The following EDN1 variants were observed in gnomAD, a reference collection of about 807,000 sequenced individuals.
EDN1 encodes the protein endothelin 1, also known as endothelin-1.
In EDN1, 11 loss-of-function variants were observed where a neutral mutation model predicts 21.7. The ratio of observed to expected loss-of-function variants is 0.51; its 90% CI spans 0.32 to 0.84. The LOEUF is 0.84. Ranked by LOEUF, EDN1 falls within the 40% of genes least tolerant of loss-of-function variation. The pLI, the probability that EDN1 is intolerant of heterozygous loss-of-function variation, is 0.03. For missense variants in EDN1, 244 were observed against 262.3 expected, an observed-to-expected ratio of 0.93 and a Z score of 0.48; for synonymous variants, 85 against 90.6, an observed-to-expected ratio of 0.94 and a Z score of 0.35.
At chr6:12,286,951 C>T (rs574551280), upstream of EDN1, among the ~76,000 whole-genome samples, 7 of 151,996 alleles carry the variant, frequency 4.6e-5, no homozygotes, top group Middle Eastern at 3.4e-3. Flanking sequence ...CCTATCTCTA[C>T]GAAAAAATTT....
At chr6:12,294,496 T>G in intron 4 of EDN1, 92 bp downstream of exon 4, 1 of 1,485,724 alleles carries the variant, frequency 6.7e-7, no homozygotes, top group Non-Finnish European at 9.4e-7. Flanking sequence ...CCAGCCCTTC[T>G]TACCCGGGCA....
At chr6:12,282,479 C>G in the EDN1 span, among the ~76,000 whole-genome samples, 6 of 152,322 alleles carry the variant, frequency 3.9e-5, no homozygotes, top group South Asian at 2.1e-4. Flanking sequence ...ACATTAGCAG[C>G]TTTGAGATTG....
rs138650134 is a variant in EDN1 at position 12,294,165 on chromosome 6, G to C, written c.389+69G>C. 1.9e-6 allele frequency: 3 copies of C among 1,613,078 alleles called. No individual in the cohort carries two copies. The African/African-American group carries it at 4.0e-5, about 22-fold the overall frequency. On this transcript the variant is annotated intron_variant, in intron 3 of 4. Transcript: ENST00000379375. ...CTGAACTCCTTCCTATCATGGTACTGCCTTCCTGTTTTAGAGAGACTAACA... is the reference window on the plus strand; with the variant it reads ...CTGAACTCCTTCCTATCATGGTACTCCCTTCCTGTTTTAGAGAGACTAACA...
chr6:12,243,959 T>A, the EDN1 span, among the ~76,000 whole-genome samples: 1,723 of 152,302 alleles, frequency 0.011, 26 homozygotes, highest in African/African-American at 0.04. Context: ...TCTCTTTTTT[T>A]ATATTAGAGA....
chr6:12,258,862 A>C, the EDN1 span, among the ~76,000 whole-genome samples: 1 of 152,224 alleles, frequency 6.6e-6, no homozygotes, highest in Non-Finnish European at 1.5e-5. Flanking sequence ...CATTCATTCA[A>C]CATCATCTGT....
At chr6:12,252,195 T>A in the EDN1 span, among the ~76,000 whole-genome samples, 1 of 152,194 alleles carries the variant, frequency 6.6e-6, no homozygotes, top group Non-Finnish European at 1.5e-5. Context: ...TCCATTTCAT[T>A]TACTAAAATC....
chr6:12,241,095 T>C, the EDN1 span, among the ~76,000 whole-genome samples: 8 of 152,268 alleles, frequency 5.3e-5, no homozygotes, highest in African/African-American at 1.7e-4. Context: ...ACCCAATCCT[T>C]ACTGCTCTTG....
the EDN1 span, among the ~76,000 whole-genome samples, chr6:12,238,147 G>A: frequency 6.7e-6 from 1 of 149,422 alleles, no homozygotes; most frequent in Non-Finnish European, 1.5e-5. Flanking sequence ...ACTCCAGCCT[G>A]GGTGACAGGG....
the EDN1 span, among the ~76,000 whole-genome samples, chr6:12,273,604 CTT>C: frequency 8.4e-5 from 7 of 83,342 alleles, no homozygotes; most frequent in South Asian, 3.2e-3. Context: ...GTAGGCAGGA[CTT>C]TTTTTTTTTT....
chr6:12,244,488 CA>C, the EDN1 span, among the ~76,000 whole-genome samples: 2 of 152,238 alleles, frequency 1.3e-5, no homozygotes, highest in Admixed American at 1.3e-4. Context: ...TTATTTTCAG[CA>C]ACGAATAATG....
the EDN1 span, among the ~76,000 whole-genome samples, chr6:12,274,039 T>A: frequency 6.6e-6 from 1 of 152,192 alleles, no homozygotes; most frequent in East Asian, 1.9e-4. Context: ...TCTGTTATCT[T>A]CACTTGGTCT....
the EDN1 span, among the ~76,000 whole-genome samples, chr6:12,281,232 C>T: frequency 1.9e-4 from 29 of 152,280 alleles, no homozygotes; most frequent in African/African-American, 6.0e-4. Context: ...TTGTTTCACC[C>T]CAGTCAACAT....
the EDN1 span, among the ~76,000 whole-genome samples, chr6:12,283,551 G>T: frequency 4.6e-5 from 7 of 152,172 alleles, no homozygotes; most frequent in Non-Finnish European, 1.0e-4. Flanking sequence ...CACCATGAAT[G>T]GTCAAAATCA....
the EDN1 span, among the ~76,000 whole-genome samples, chr6:12,237,798 C>T: frequency 6.6e-6 from 1 of 152,280 alleles, no homozygotes; most frequent in African/African-American, 2.4e-5. Context: ...ACTTAACACT[C>T]CCAAACTGCA....
At position 12,293,904 on chromosome 6, in the gene EDN1, T is replaced by C. The variant is rs1800543; in HGVS notation, c.234-37T>C. 394,804 of 1,607,168 alleles carry C rather than the reference T, an allele frequency of 0.25. 50,182 individuals are homozygous for C. Among genetic ancestry groups the C allele is most frequent in the South Asian group, 0.4 (36,602 of 90,724 alleles). On this transcript the variant is annotated intron_variant, in intron 2 of 4. Transcript: ENST00000379375. ...ATGTGTCATTTTAAAGACTATTAAT[T>C]ACACTAATATAGTTTCTTTCTCTCT...
chr6:12,237,898 G>A, the EDN1 span, among the ~76,000 whole-genome samples: 4 of 152,132 alleles, frequency 2.6e-5, 1 homozygote, highest in Non-Finnish European at 5.9e-5. Context: ...CAGCGGGCGC[G>A]GTGGCTCACG....
upstream of EDN1, among the ~76,000 whole-genome samples, chr6:12,288,323 G>T (rs1561691272): frequency 6.6e-6 from 1 of 152,050 alleles, no homozygotes; most frequent in Non-Finnish European, 1.5e-5. Flanking sequence ...GGGGGGAGGC[G>T]CTGCTTGGAA....
intron 2 of EDN1, among the ~76,000 whole-genome samples, chr6:12,293,705 T>C (rs1427256804): frequency 3.3e-5 from 5 of 152,108 alleles, no homozygotes; most frequent in Non-Finnish European, 5.9e-5. Flanking sequence ...TTGTGAAGAG[T>C]TGAAATGGAA....
the EDN1 span, among the ~76,000 whole-genome samples, chr6:12,234,292 TGG>T: frequency 1.3e-5 from 2 of 152,212 alleles, no homozygotes; most frequent in African/African-American, 4.8e-5. Flanking sequence ...GACTCCCAGG[TGG>T]CTGCCTGGAA....
Sources: allele counts gnomAD v4.1 joint callset (sites outside exome capture counted in the v4.1 genomes callset), GRCh38; gene constraint gnomAD v4.1.1; transcripts MANE v1.5; gene names NCBI Gene and HGNC (gene_info 2026-07-23, HGNC 2026-07-21).